HOPX: variants seen among roughly 807,000 people sequenced by gnomAD.
HOPX encodes the protein HOP homeobox, also known as homeodomain-only protein.
In HOPX, 5 loss-of-function variants were observed where a neutral mutation model predicts 11.8. That is an observed-to-expected ratio of 0.43 (90% CI 0.22 to 0.89). The LOEUF is 0.89. Among genes scored for constraint, HOPX ranks in the 40% least tolerant of loss-of-function variants. The pLI, the probability that HOPX is intolerant of heterozygous loss-of-function variation, is 0.28. For synonymous variants in HOPX, 49 were observed against 49.7 expected, an observed-to-expected ratio of 0.99 and a Z score of 0.06; for missense variants, 119 against 120.0, an observed-to-expected ratio of 0.99 and a Z score of 0.04.
chr4:56,657,546 G>A (rs1194641826), intron 2 of HOPX, among the ~76,000 whole-genome samples: 1 of 152,174 alleles, frequency 6.6e-6, no homozygotes, highest in African/African-American at 2.4e-5. Flanking sequence ...ACAACGGGAA[G>A]TCATTCTACT....
At chr4:56,651,867 AGAGAGAGTGTGTGTGTGT>A (rs1162887080) in intron 3 of HOPX, among the ~76,000 whole-genome samples, 2 of 128,360 alleles carry the variant, frequency 1.6e-5, no homozygotes, top group Admixed American at 7.6e-5. Flanking sequence ...AAAGAGAGAG[AGAGAGAGTGTGTGTGTGT>A]GTGTGTGTGT....
chr4:56,677,972 A>G (rs1157344928), intron 1 of HOPX, among the ~76,000 whole-genome samples: 2 of 151,748 alleles, frequency 1.3e-5, no homozygotes, highest in East Asian at 1.9e-4. Flanking sequence ...GCCAGATATT[A>G]ATCGGGAAAA....
chr4:56,655,563 C>A (rs7697969), intron 3 of HOPX, among the ~76,000 whole-genome samples: 1 of 151,968 alleles, frequency 6.6e-6, no homozygotes, highest in Non-Finnish European at 1.5e-5. Flanking sequence ...GTATCCCGGG[C>A]TGCCGGGGAG....
intron 1 of HOPX, chr4:56,662,667 G>C (rs1395342099): frequency 6.6e-6 from 1 of 152,200 alleles, no homozygotes; most frequent in Admixed American, 6.5e-5. Flanking sequence ...AGTAGAGATG[G>C]AGTTTTGCCA....
upstream of HOPX, chr4:56,681,608 G>A (rs1405707349): frequency 9.0e-6 from 9 of 999,736 alleles, no homozygotes; most frequent in Non-Finnish European, 1.1e-5. Flanking sequence ...GAGAGAAGAC[G>A]GGGAAGAGAA....
chr4:56,662,942 A>G (rs1224346899), intron 1 of HOPX: 2 of 152,216 alleles, frequency 1.3e-5, no homozygotes, highest in East Asian at 1.9e-4. Context: ...GATATAGGCC[A>G]TTTTCAACCT....
At chr4:56,658,038 C>T (rs780498792) in intron 1 of HOPX, 139 bp from the exon 2 acceptor site, 7 of 615,498 alleles carry the variant, frequency 1.1e-5, no homozygotes, top group African/African-American at 1.1e-4. Flanking sequence ...CTGCTTGCTT[C>T]GCTTGAAAGA....
rs1717733624 is a variant in HOPX, at chr4:56,656,317, T to TA, written c.43-306dup. 39 of 1,093,824 alleles carry TA rather than the reference T, an allele frequency of 3.6e-5. No individual in the cohort carries two copies. In the South Asian group the frequency reaches 1.4e-3, roughly 40 times the overall value. The allele number at this position is 1,093,824 out of a possible 1,614,324, so 67.8% of individuals were successfully genotyped here. On this transcript the variant is annotated intron_variant, in intron 2 of 3. Transcript: ENST00000420433. ...ATCCCTGCCTGCGACGGGGGCGAGA[T>TA]AGATGATTCCGCGGGCCCTCACCGA... is the stretch of plus-strand genomic sequence containing the variant.
At chr4:56,653,557 G>A (rs775175171) in intron 3 of HOPX, among the ~76,000 whole-genome samples, 2 of 152,138 alleles carry the variant, frequency 1.3e-5, no homozygotes, top group Non-Finnish European at 2.9e-5. Flanking sequence ...CTTTCTCTGA[G>A]CTTGCTAAGT....
At chr4:56,676,613 A>G (rs557119087) in intron 1 of HOPX, 1 of 151,562 alleles carries the variant, frequency 6.6e-6, no homozygotes, top group South Asian at 2.1e-4. Flanking sequence ...GCTTCCAAGT[A>G]GGGGCATTAA....
chr4:56,655,754 G>T, intron 3 of HOPX, 103 bp downstream of exon 3: 1 of 1,322,188 alleles, frequency 7.6e-7, no homozygotes. Context: ...AGATCATGGG[G>T]AGGGCAGCCC....
chr4:56,658,899 G>A (rs1717941041), intron 1 of HOPX, among the ~76,000 whole-genome samples: 1 of 152,214 alleles, frequency 6.6e-6, no homozygotes, highest in African/African-American at 2.4e-5. Context: ...TTTTCAAGAT[G>A]TTACATGCAA....
chr4:56,649,702 CA>C (rs1232958047), intron 3 of HOPX: 2 of 152,234 alleles, frequency 1.3e-5, no homozygotes, highest in Non-Finnish European at 2.9e-5. Flanking sequence ...AGGCCTAGAA[CA>C]TGCCTATATG....
chr4:56,673,216 A>G (rs1250630555), intron 1 of HOPX, among the ~76,000 whole-genome samples: 4 of 152,226 alleles, frequency 2.6e-5, no homozygotes, highest in African/African-American at 9.6e-5. Flanking sequence ...ATAATAATGC[A>G]TTAGAAATAT....
At chr4:56,653,618 G>C (rs1310222721) in intron 3 of HOPX, among the ~76,000 whole-genome samples, 2 of 152,136 alleles carry the variant, frequency 1.3e-5, no homozygotes, top group Non-Finnish European at 2.9e-5. Flanking sequence ...GCAGGTCAAG[G>C]CAGGAAGACA....
chr4:56,672,900 T>C (rs1195450181), intron 1 of HOPX: 1 of 152,218 alleles, frequency 6.6e-6, no homozygotes, highest in African/African-American at 2.4e-5. Flanking sequence ...AAATTATTTG[T>C]CACTCAATCT....
intron 1 of HOPX, among the ~76,000 whole-genome samples, chr4:56,661,354 C>G (rs1376143880): frequency 6.6e-6 from 1 of 152,160 alleles, no homozygotes; most frequent in Non-Finnish European, 1.5e-5. Flanking sequence ...TCTTTTCCTA[C>G]TGGTGGATAT....
At chr4:56,669,500 A>C (rs1180252818) in intron 1 of HOPX, among the ~76,000 whole-genome samples, 1 of 152,056 alleles carries the variant, frequency 6.6e-6, no homozygotes, top group Non-Finnish European at 1.5e-5. Flanking sequence ...CTCTACTAAA[A>C]GTACAAAAAT....
upstream of HOPX, chr4:56,681,659 C>G: frequency 1.0e-6 from 1 of 1,000,146 alleles, no homozygotes; most frequent in Non-Finnish European, 1.2e-6. Flanking sequence ...TTACTTTGAG[C>G]GAGTTTCCAG....
Sources: gnomAD v4.1 joint callset for allele counts (sites outside exome capture counted in the v4.1 genomes callset) on GRCh38, gnomAD v4.1.1 for gene constraint, MANE v1.5 for transcripts, NCBI Gene and HGNC (gene_info 2026-07-23, HGNC 2026-07-21) for gene names.